INPP4B: variants seen among roughly 807,000 people sequenced by gnomAD.
INPP4B encodes the protein inositol polyphosphate 4-phosphatase type II.
A neutral mutation model predicts 122.5 loss-of-function variants in INPP4B; 55 were observed. The ratio of observed to expected loss-of-function variants is 0.45; its 90% confidence interval spans 0.36 to 0.56. The LOEUF is 0.56. INPP4B is among the 20% of genes least tolerant of loss of function. INPP4B has a pLI of 0.00. For synonymous variants in INPP4B, 403 were observed against 388.7 expected (o/e 1.04, Z -0.43); for missense variants, 1,000 against 1,097.7 (o/e 0.91, Z 1.26).
At chr4:142,308,837 A>C (rs1764392132) in intron 8 of INPP4B, among the ~76,000 whole-genome samples, 1 of 152,154 alleles carries the variant, frequency 6.6e-6, no homozygotes, top group Non-Finnish European at 1.5e-5. Context: ...GCTTCACTAG[A>C]GTTGGAGCTC....
At chr4:142,246,098 G>A (rs545316489) in intron 11 of INPP4B, among the ~76,000 whole-genome samples, 24 of 135,178 alleles carry the variant, frequency 1.8e-4, no homozygotes, top group Non-Finnish European at 2.9e-4. Flanking sequence ...ATGTGTGTGT[G>A]TATACACACA....
intron 2 of INPP4B, among the ~76,000 whole-genome samples, chr4:142,635,900 A>C (rs1749046432): frequency 6.6e-6 from 1 of 152,182 alleles, no homozygotes. Context: ...AGATTTCTAC[A>C]AAATCTACAA....
At chr4:142,121,199 G>A (rs1173923266) in intron 21 of INPP4B, among the ~76,000 whole-genome samples, 1 of 151,470 alleles carries the variant, frequency 6.6e-6, no homozygotes, top group African/African-American at 2.4e-5. Context: ...ATTAATTCTA[G>A]GTAAATATTT....
chr4:142,551,728 C>T (rs555286703), intron 2 of INPP4B, among the ~76,000 whole-genome samples: 1 of 152,270 alleles, frequency 6.6e-6, no homozygotes, highest in East Asian at 1.9e-4. Context: ...ACTAAACCAA[C>T]TCAGTGGAAG....
intron 1 of INPP4B, among the ~76,000 whole-genome samples, chr4:142,810,395 T>TA (rs1779365229): frequency 6.6e-6 from 1 of 152,158 alleles, no homozygotes. Flanking sequence ...ACACAGAGTT[T>TA]AGAATGTGCC....
At chr4:142,237,442 A>C (rs986520759) in intron 12 of INPP4B, among the ~76,000 whole-genome samples, 1 of 152,156 alleles carries the variant, frequency 6.6e-6, no homozygotes, top group Non-Finnish European at 1.5e-5. Flanking sequence ...GGTTAACTTT[A>C]ATAATATATT....
intron 1 of INPP4B, among the ~76,000 whole-genome samples, chr4:142,765,090 AG>A (rs1771911633): frequency 6.6e-6 from 1 of 152,300 alleles, no homozygotes; most frequent in African/African-American, 2.4e-5. Context: ...AGCAGAGGTG[AG>A]AGATCATGAT....
chr4:142,084,817 A>G (rs112879210), intron 24 of INPP4B, among the ~76,000 whole-genome samples: 1 of 152,212 alleles, frequency 6.6e-6, no homozygotes, highest in African/African-American at 2.4e-5. Flanking sequence ...TAATTTATCT[A>G]TTTACATAAC....
chr4:142,806,786 G>GAAAGAAGGAAAGAAA (rs1554013556), intron 1 of INPP4B, among the ~76,000 whole-genome samples: 2 of 75,948 alleles, frequency 2.6e-5, no homozygotes, highest in African/African-American at 5.2e-5. Context: ...AAAGAAAGAA[G>GAAAGAAGGAAAGAAA]GAAAGAAAGA....
intron 2 of INPP4B, among the ~76,000 whole-genome samples, chr4:142,610,187 C>G (rs1337074531): frequency 1.3e-5 from 2 of 152,084 alleles, no homozygotes; most frequent in Admixed American, 1.3e-4. Context: ...ATAAGTCTCA[C>G]GAGATCTAAT....
chr4:142,249,901 C>T (rs1179129514), intron 11 of INPP4B, among the ~76,000 whole-genome samples: 1 of 152,192 alleles, frequency 6.6e-6, no homozygotes, highest in Non-Finnish European at 1.5e-5. Context: ...ACTTCCCCTA[C>T]TCCCATTTCC....
intron 21 of INPP4B, among the ~76,000 whole-genome samples, chr4:142,118,991 G>C (rs1419726151): frequency 6.6e-6 from 1 of 152,150 alleles, no homozygotes; most frequent in Non-Finnish European, 1.5e-5. Flanking sequence ...CAAAGGATAT[G>C]AACAGACACT....
intron 3 of INPP4B, among the ~76,000 whole-genome samples, 195 bp downstream of exon 3, chr4:142,462,468 C>CA (rs894311195): frequency 1.1e-4 from 16 of 152,236 alleles, no homozygotes; most frequent in African/African-American, 3.4e-4. Context: ...CTAAAACCCT[C>CA]AAAATTGGTT....
At chr4:142,711,766 G>C (rs928456833) in intron 2 of INPP4B, among the ~76,000 whole-genome samples, 3 of 152,092 alleles carry the variant, frequency 2.0e-5, no homozygotes, top group African/African-American at 7.2e-5. Flanking sequence ...AAGAGGTGTA[G>C]GCTGGGCACG....
chr4:142,727,781 G>A (rs569303491), intron 1 of INPP4B, among the ~76,000 whole-genome samples: 2 of 152,228 alleles, frequency 1.3e-5, no homozygotes, highest in African/African-American at 4.8e-5. Context: ...GAAAGGCTGA[G>A]ATGGGAGGAT....
At chr4:142,393,501 G>C (rs963109731) in intron 7 of INPP4B, among the ~76,000 whole-genome samples, 2 of 152,274 alleles carry the variant, frequency 1.3e-5, no homozygotes, top group South Asian at 4.1e-4. Context: ...TACTGTTTCC[G>C]ATGGGTTTAC....
intron 9 of INPP4B, among the ~76,000 whole-genome samples, chr4:142,278,360 G>C (rs1749598421): frequency 6.6e-6 from 1 of 151,904 alleles, no homozygotes; most frequent in Admixed American, 6.6e-5. Flanking sequence ...TGTAGACAGA[G>C]AGAGCTCCAG....
At chr4:142,550,623 T>A (rs562213577) in intron 2 of INPP4B, among the ~76,000 whole-genome samples, 85,607 of 123,988 alleles carry the variant, frequency 0.69, 26,653 homozygotes, top group Non-Finnish European at 0.76. Flanking sequence ...TATATATATT[T>A]TTTTTTTTAC....
At chr4:142,260,749 A>ACTTGTG in intron 10 of INPP4B, among the ~76,000 whole-genome samples, 185 bp from the exon 11 acceptor site, 1 of 152,286 alleles carries the variant, frequency 6.6e-6, no homozygotes, top group Middle Eastern at 3.4e-3. Flanking sequence ...GATTTACTTA[A>ACTTGTG]ATGTATACAG....
Sources: gnomAD v4.1 joint callset for allele counts (sites outside exome capture counted in the v4.1 genomes callset) on GRCh38, gnomAD v4.1.1 for gene constraint, MANE v1.5 for transcripts, NCBI Gene and HGNC (gene_info 2026-07-23, HGNC 2026-07-21) for gene names.